TANC1: variants seen among roughly 807,000 people sequenced by gnomAD.
The protein encoded by TANC1 is protein TANC1.
TANC1 carries 77 observed loss-of-function variants against 149.7 expected under a neutral mutation model. That is an observed-to-expected ratio of 0.51 (90% CI 0.43 to 0.62). TANC1 has a LOEUF of 0.62. Among genes scored for constraint, TANC1 ranks in the 20% least tolerant of loss-of-function variants. The pLI, the probability that TANC1 is intolerant of heterozygous loss-of-function variation, is 0.00. For synonymous variants in TANC1, 854 were observed against 925.0 expected (o/e 0.92, Z 1.39); for missense variants, 1,985 against 2,321.8 (o/e 0.85, Z 2.98).
At chr2:159,064,110 C>T (rs965135952) in intron 2 of TANC1, among the ~76,000 whole-genome samples, 1 of 152,158 alleles carries the variant, frequency 6.6e-6, no homozygotes, top group South Asian at 2.1e-4. Context: ...AAGAATATGT[C>T]TGTGTTTACC....
intron 4 of TANC1, among the ~76,000 whole-genome samples, chr2:159,101,995 CA>C (rs1368056984): frequency 6.6e-6 from 1 of 152,176 alleles, no homozygotes; most frequent in Non-Finnish European, 1.5e-5. Flanking sequence ...GCTGATGTAG[CA>C]GTTTTGAAAA....
intron 1 of TANC1, among the ~76,000 whole-genome samples, chr2:158,978,391 G>T (rs72953171): frequency 0.18 from 27,413 of 152,138 alleles, 3,342 homozygotes; most frequent in Non-Finnish European, 0.27. Flanking sequence ...TTTCCTGGCT[G>T]GTTTGTGTGC....
At position 159,131,183 on chromosome 2, in the gene TANC1, G is replaced by A. The variant is rs564019338; in HGVS notation, c.260-5011G>A. ...AGATACGTCTCTGGCCCATCAGTCT[G>A]CATGTAGAATATTTCTTAATCTACT... is the stretch of plus-strand genomic sequence containing the variant. On this transcript the variant is annotated intron_variant, in intron 4 of 26. Coordinates refer to ENST00000263635, the MANE Select transcript of TANC1 (RefSeq NM_033394.3). Among the ~76,000 whole-genome samples the A allele has an allele frequency of 2.6e-5, 4 of 152,178 alleles. No homozygotes were observed. The South Asian group carries it at 8.3e-4, about 32-fold the overall frequency.
At chr2:159,174,362 G>T (rs1295452595) in intron 11 of TANC1, among the ~76,000 whole-genome samples, 1 of 152,094 alleles carries the variant, frequency 6.6e-6, no homozygotes, top group Non-Finnish European at 1.5e-5. Context: ...GAGATTTGGT[G>T]ATTTCGGGTT....
At chr2:159,118,798 A>G (rs907856745) in intron 4 of TANC1, among the ~76,000 whole-genome samples, 4 of 152,156 alleles carry the variant, frequency 2.6e-5, no homozygotes, top group Admixed American at 1.3e-4. Flanking sequence ...TGAGCTGTGT[A>G]TTCGGCCAGG....
At chr2:159,090,201 A>G (rs2149847388) in intron 3 of TANC1, among the ~76,000 whole-genome samples, 1 of 152,334 alleles carries the variant, frequency 6.6e-6, no homozygotes, top group Middle Eastern at 3.4e-3. Flanking sequence ...ATGTAAACAT[A>G]ATGTGTGTGC....
At chr2:159,144,939 C>T (rs779466071) in intron 5 of TANC1, among the ~76,000 whole-genome samples, 3 of 152,074 alleles carry the variant, frequency 2.0e-5, no homozygotes, top group Non-Finnish European at 2.9e-5. Context: ...AAGTCAACTT[C>T]GAGGTCACAT....
intron 1 of TANC1, among the ~76,000 whole-genome samples, chr2:158,995,828 C>T (rs1389752438): frequency 6.6e-6 from 1 of 152,106 alleles, no homozygotes; most frequent in Non-Finnish European, 1.5e-5. Context: ...CTTTTTGATG[C>T]TCATCTCGGA....
chr2:159,161,133 GT>G (rs1164462318), intron 7 of TANC1, among the ~76,000 whole-genome samples: 8 of 152,176 alleles, frequency 5.3e-5, no homozygotes, highest in Non-Finnish European at 8.8e-5. Flanking sequence ...TTGCAGTGCT[GT>G]CACTTGTAAC....
At chr2:159,058,011 G>A (rs1377819234) in intron 2 of TANC1, among the ~76,000 whole-genome samples, 1 of 152,210 alleles carries the variant, frequency 6.6e-6, no homozygotes, top group Non-Finnish European at 1.5e-5. Flanking sequence ...CAGGTGACAG[G>A]GAAATGAAGA....
chr2:159,155,478 G>C (rs2053327149), intron 7 of TANC1, among the ~76,000 whole-genome samples: 1 of 152,170 alleles, frequency 6.6e-6, no homozygotes, highest in Admixed American at 6.5e-5. Context: ...AACGGTGCTA[G>C]GACAGTTCCA....
intron 1 of TANC1, among the ~76,000 whole-genome samples, chr2:158,971,675 G>T (rs1277454146): frequency 6.6e-6 from 1 of 152,078 alleles, no homozygotes; most frequent in African/African-American, 2.4e-5. Flanking sequence ...CCTAAAATGG[G>T]ATTACCTTGC....
intron 2 of TANC1, among the ~76,000 whole-genome samples, chr2:159,011,705 T>C (rs548091451): frequency 6.6e-6 from 1 of 152,148 alleles, no homozygotes; most frequent in South Asian, 2.1e-4. Context: ...CTGGTCAAAT[T>C]GCACCTTTTT....
intron 2 of TANC1, among the ~76,000 whole-genome samples, chr2:159,041,381 C>A (rs1221599985): frequency 2.6e-5 from 4 of 152,208 alleles, no homozygotes; most frequent in African/African-American, 7.2e-5. Context: ...CTGTGCCCTT[C>A]CCCCAGAGGA....
At chr2:159,127,608 A>C (rs2049595449) in intron 4 of TANC1, among the ~76,000 whole-genome samples, 1 of 152,272 alleles carries the variant, frequency 6.6e-6, no homozygotes, top group Non-Finnish European at 1.5e-5. Flanking sequence ...ACACCATAGA[A>C]TACTATGCAG....
chr2:159,151,084 A>C (rs1053125967), intron 7 of TANC1, among the ~76,000 whole-genome samples: 20 of 152,170 alleles, frequency 1.3e-4, no homozygotes, highest in African/African-American at 4.6e-4. Flanking sequence ...GGTTGTCCTG[A>C]AGCCTAGGAG....
At chr2:159,215,465 C>T (rs2059283867) in intron 19 of TANC1, among the ~76,000 whole-genome samples, 1 of 152,170 alleles carries the variant, frequency 6.6e-6, no homozygotes, top group Non-Finnish European at 1.5e-5. Flanking sequence ...GAGGAGGTCA[C>T]AAATCAGCAA....
At position 159,175,090 on chromosome 2, in the gene TANC1, A is replaced by C; in HGVS notation, c.1641A>C (p.Gln547His). The change falls in exon 12 of 27, where the codon CAA becomes CAC. Residue 547 changes from glutamine to histidine, a missense_variant. Around this residue, in one of 3 missense-constraint regions of TANC1, gnomAD observed 508 missense variants for 714.2 expected, o/e 0.71. Coordinates refer to ENST00000263635, the MANE Select transcript of TANC1 (RefSeq NM_033394.3). ...GAGACCTTCTGATAAAGGAGCCCCAACTACAGAGCATGCTGAGCCTCCGAT... is the reference window on the plus strand; with the variant it reads ...GAGACCTTCTGATAAAGGAGCCCCACCTACAGAGCATGCTGAGCCTCCGAT... ...AYRDLLIKEPQLQSMLSLRSC... is the reference protein window; with the variant it reads ...AYRDLLIKEPHLQSMLSLRSC... The C allele has an allele frequency of 1.9e-6, 3 of 1,614,138 alleles. No homozygotes were observed. Among genetic ancestry groups the C allele is most frequent in the Non-Finnish European group, 2.5e-6 (3 of 1,180,032 alleles).
chr2:159,146,412 G>A (rs1331336242), intron 5 of TANC1, among the ~76,000 whole-genome samples: 1 of 152,136 alleles, frequency 6.6e-6, no homozygotes, highest in Non-Finnish European at 1.5e-5. Context: ...TAAACATGAA[G>A]TAAATAAAAT....
Sources: allele counts gnomAD v4.1 joint callset (sites outside exome capture counted in the v4.1 genomes callset), GRCh38; gene constraint gnomAD v4.1.1; regional missense constraint gnomAD v4.1.1; transcripts MANE v1.5; gene names NCBI Gene and HGNC (gene_info 2026-07-23, HGNC 2026-07-21).